ABCC5: variants seen among roughly 807,000 people sequenced by gnomAD.
ABCC5 encodes the protein ATP binding cassette subfamily C member 5.
ABCC5 carries 61 observed loss-of-function variants against 160.9 expected under a neutral mutation model. The ratio of observed to expected loss-of-function variants is 0.38; its 90% CI spans 0.31 to 0.47. ABCC5 has a LOEUF of 0.47. Among genes scored for constraint, ABCC5 ranks in the 20% least tolerant of loss-of-function variants. The probability of loss-of-function intolerance (pLI) is 0.99; values close to 1 mark genes in which losing one functional copy is unlikely to be tolerated. For missense variants in ABCC5, 1,308 were observed against 1,813.3 expected (o/e 0.72, Z 5.06); for synonymous variants, 666 against 700.6 (o/e 0.95, Z 0.78).
chr3:183,924,036 C>CA (rs1284312733), intron 29 of ABCC5, among the ~76,000 whole-genome samples: 7 of 100,896 alleles, frequency 6.9e-5, no homozygotes, highest in Admixed American at 4.2e-4. Flanking sequence ...TTTTTTTTGA[C>CA]ATGAGGTCTC....
chr3:183,938,111 G>C, intron 25 of ABCC5, 51 bp from the exon 26 acceptor site: 1 of 1,583,308 alleles, frequency 6.3e-7, no homozygotes. Flanking sequence ...AAGTCTGTGA[G>C]GACAATGCTG....
At position 183,963,443 on chromosome 3, in the gene ABCC5, C is replaced by T. The variant is rs1716951038; in HGVS notation, c.2177G>A (p.Ser726Asn). The change falls in exon 15 of 30, where the codon AGT (serine) becomes AAT (asparagine). Residue 726 changes from serine to asparagine, a missense_variant. By Grantham distance (46) the Ser-to-Asn change is conservative. Around this residue, in one of 3 missense-constraint regions of ABCC5, gnomAD observed 1,142 missense variants for 1,527.1 expected, o/e 0.75. Transcript: ENST00000334444. This position sits in a 1 kb window ranked among gnomAD's most constrained non-coding sequence, Gnocchi z 4.6. ...GGACTTGAGATGTTTCCGGATAGCA[C>T]TATTGAAGATGTGGTTGCCCACATG... is the stretch of plus-strand genomic sequence containing the variant. Reference protein sequence around the residue: ...DAHVGNHIFNSAIRKHLKSKT... With the variant: ...DAHVGNHIFNNAIRKHLKSKT... 1 of 1,614,246 alleles carries T rather than the reference C, an allele frequency of 6.2e-7. No homozygotes were observed. The highest frequency in any genetic ancestry group is 8.5e-7 in the Non-Finnish European group (1 of 1,180,056).
At chr3:183,967,643 A>G in intron 12 of ABCC5, 52 bp downstream of exon 12, 2 of 1,505,070 alleles carry the variant, frequency 1.3e-6, no homozygotes, top group Non-Finnish European at 1.8e-6. Flanking sequence ...TTTTCCTGAG[A>G]CTCTTGCAAA....
chr3:183,925,681 T>C lies in ABCC5; in HGVS notation c.4086A>G (p.Thr1362=). 1 of 1,614,022 alleles carries C rather than the reference T, an allele frequency of 6.2e-7. No individual in the cohort carries two copies. Among genetic ancestry groups the C allele is most frequent in the Non-Finnish European group, 8.5e-7 (1 of 1,179,996 alleles). The change falls in exon 29 of 30, where the codon ACA becomes ACG. Residue 1362 remains threonine (T), a synonymous_variant. Coordinates refer to ENST00000334444, the MANE Select transcript of ABCC5 (RefSeq NM_005688.4). The part of the protein sequence containing the change: ...ILDEATAAMD[T]ETDLLIQETI... ...TCTCTTGAATCAATAAGTCTGTCTC[T>C]GTGTCCATGGCAGCTGTGGCTTCAT...
In ABCC5 at chr3:183,988,216, GC is replaced by G. The variant is rs1719403698; in HGVS notation, c.444-300del. On this transcript the variant is annotated intron_variant, in intron 4 of 29. Transcript: ENST00000334444. This position sits in a 1 kb window ranked among gnomAD's most constrained non-coding sequence, Gnocchi z 4.4. ...TGAATAAGAACTTTCTTTTTCAGGG[GC>G]CCCCAACCCTTTCTGAAGGTTCCTG... Among the ~76,000 whole-genome samples the G allele has an allele frequency of 6.6e-6, 1 of 152,116 alleles. No individual in the cohort carries two copies. Among genetic ancestry groups the G allele is most frequent in the Non-Finnish European group, 1.5e-5 (1 of 68,016 alleles).
intron 2 of ABCC5, among the ~76,000 whole-genome samples, chr3:184,004,593 G>A (rs1576937668): frequency 6.6e-6 from 1 of 150,698 alleles, no homozygotes; most frequent in South Asian, 2.1e-4. Context: ...TAAATGCTTA[G>A]TACAAGGCTT....
intron 29 of ABCC5, among the ~76,000 whole-genome samples, chr3:183,922,393 TAAAC>T (rs1712092353): frequency 6.6e-6 from 1 of 151,886 alleles, no homozygotes. Context: ...AATAAATAAA[TAAAC>T]AAAATAAAAT....
intron 2 of ABCC5, among the ~76,000 whole-genome samples, chr3:183,998,071 G>T (rs914858525): frequency 6.6e-6 from 1 of 152,098 alleles, no homozygotes; most frequent in Admixed American, 6.6e-5. Flanking sequence ...TTACAGGTAT[G>T]AGTCTCCACA....
At chr3:183,972,375 G>A (rs543896879) in intron 10 of ABCC5, among the ~76,000 whole-genome samples, 1 of 152,254 alleles carries the variant, frequency 6.6e-6, no homozygotes, top group African/African-American at 2.4e-5. Context: ...CACTCACAGC[G>A]CCGCATGTAT....
At chr3:183,970,230 A>G (rs1457631530) in intron 11 of ABCC5, among the ~76,000 whole-genome samples, 1 of 152,140 alleles carries the variant, frequency 6.6e-6, no homozygotes, top group Non-Finnish European at 1.5e-5. Context: ...CTCCAATAAC[A>G]GACACACTCA....
intron 2 of ABCC5, among the ~76,000 whole-genome samples, chr3:184,004,207 T>A: frequency 7.7e-6 from 1 of 129,216 alleles, no homozygotes. Flanking sequence ...ATTTTCAGGC[T>A]TTAGCTAAAA....
At chr3:183,974,223 G>A (rs1186948542) in intron 10 of ABCC5, among the ~76,000 whole-genome samples, 2 of 152,182 alleles carry the variant, frequency 1.3e-5, no homozygotes, top group African/African-American at 4.8e-5. Context: ...AATCAAATCA[G>A]AATGAATCTG....
At chr3:183,950,442 CTA>C (rs1715239690) in intron 20 of ABCC5, among the ~76,000 whole-genome samples, 1 of 152,138 alleles carries the variant, frequency 6.6e-6, no homozygotes, top group Non-Finnish European at 1.5e-5. Context: ...AAAACAAAAA[CTA>C]TATTCTTACC....
rs531860633 is a variant in ABCC5 at position 183,959,848 on chromosome 3, A to T, written c.2380-13T>A. 4.2e-4 allele frequency: 548 copies of T among 1,304,538 alleles called. 3 individuals are homozygous for T. Among genetic ancestry groups the T allele is most frequent in the Middle Eastern group, 1.9e-3 (9 of 4,652 alleles). The allele number at this position is 1,304,538 out of a possible 1,614,324, so 80.8% of individuals were successfully genotyped here. A position where few individuals can be genotyped will look rare whatever the true frequency, so the allele number is the denominator to read the frequency against. On this transcript the variant is annotated splice_polypyrimidine_tract_variant and intron_variant, in intron 16 of 29. Coordinates refer to ENST00000334444, the MANE Select transcript of ABCC5 (RefSeq NM_005688.4). ...TTTTTGAATTGATCTAATAATATTTAAAAAAAAAAGTCTCCAGTCATGTTA... is the reference window on the plus strand; with the variant it reads ...TTTTTGAATTGATCTAATAATATTTTAAAAAAAAAGTCTCCAGTCATGTTA...
chr3:183,950,073 C>A lies in ABCC5; in HGVS notation c.2997G>T (p.Leu999=). Residue 999 remains leucine, a synonymous_variant, in exon 21 of 30, where the codon CTG becomes CTT. Coordinates refer to ENST00000334444, the MANE Select transcript of ABCC5 (RefSeq NM_005688.4). ...CGATCATTCCCACACAGAAGAACAC[C>A]AGGATAACGTTCTGGATGAACATCT... The part of the protein sequence containing the change: ...QAEMFIQNVI[L]VFFCVGMIAG... 6.2e-7 allele frequency: 1 copy of A among 1,614,054 alleles called. No individual in the cohort carries two copies. Among genetic ancestry groups the A allele is most frequent in the African/African-American group, 1.3e-5 (1 of 74,984 alleles).
intron 10 of ABCC5, among the ~76,000 whole-genome samples, chr3:183,975,709 G>A (rs78625770): frequency 6.6e-6 from 1 of 152,100 alleles, no homozygotes; most frequent in Non-Finnish European, 1.5e-5. Context: ...AAAAGAGACT[G>A]AGACCACCAA....
intron 14 of ABCC5, 63 bp downstream of exon 14, chr3:183,965,122 G>A: frequency 6.5e-7 from 1 of 1,548,528 alleles, no homozygotes. Flanking sequence ...GCACTCCCAG[G>A]AGCAGCTCTG....
chr3:184,016,326 C>G (rs542171108), intron 1 of ABCC5, among the ~76,000 whole-genome samples: 1 of 152,214 alleles, frequency 6.6e-6, no homozygotes, highest in South Asian at 2.1e-4. Context: ...CTCTACTTTC[C>G]TGGAAAAAGA....
intron 22 of ABCC5, among the ~76,000 whole-genome samples, chr3:183,948,923 C>T (rs1408593106): frequency 2.6e-5 from 4 of 152,208 alleles, no homozygotes; most frequent in African/African-American, 2.4e-5. Context: ...AGGCTGGTCT[C>T]GAACTCCTGA....
Sources: allele counts gnomAD v4.1 joint callset (sites outside exome capture counted in the v4.1 genomes callset), GRCh38; gene constraint gnomAD v4.1.1; regional missense constraint gnomAD v4.1.1; non-coding constraint Gnocchi (gnomAD v3.1); transcripts MANE v1.5; gene names NCBI Gene and HGNC (gene_info 2026-07-23, HGNC 2026-07-21).